BTRC: variants seen among roughly 807,000 people sequenced by gnomAD.
The protein encoded by BTRC is F-box/WD repeat-containing protein 1A.
Under a neutral mutation model 85.5 loss-of-function variants are expected in BTRC, and 42 were observed. The ratio of observed to expected loss-of-function variants is 0.49; its 90% CI spans 0.38 to 0.64. The LOEUF (loss-of-function observed/expected upper bound fraction) is 0.64, where lower values mean the gene tolerates loss of function less well. Among genes scored for constraint, BTRC ranks in the 30% least tolerant of loss-of-function variants. The pLI is 0.00. For missense variants in BTRC, 594 were observed against 743.5 expected (o/e 0.80, Z 2.34); for synonymous variants, 255 against 263.3 (o/e 0.97, Z 0.30).
chr10:101,406,524 CTTTTTTTTTTTTTT>C (rs58902120), intron 1 of BTRC, among the ~76,000 whole-genome samples: 94 of 50,440 alleles, frequency 1.9e-3, no homozygotes, highest in African/African-American at 3.4e-3. Context: ...TCTCAGGTTT[CTTTTTTTTTTTTTT>C]TTTTTTTTTT....
intron 3 of BTRC, among the ~76,000 whole-genome samples, chr10:101,464,541 A>G (rs11191020): frequency 3.1e-5 from 1 of 31,858 alleles, no homozygotes; most frequent in Non-Finnish European, 6.3e-5. Context: ...CTTCCCCCCC[A>G]CCCCCCCCAT....
chr10:101,374,757 A>T (rs896614028), intron 1 of BTRC, among the ~76,000 whole-genome samples: 2 of 149,678 alleles, frequency 1.3e-5, no homozygotes, highest in East Asian at 4.0e-4. Flanking sequence ...CAATGTGCAC[A>T]TGTACCCTAA....
intron 4 of BTRC, among the ~76,000 whole-genome samples, chr10:101,496,783 G>A (rs1463646071): frequency 6.6e-6 from 1 of 151,750 alleles, no homozygotes; most frequent in Non-Finnish European, 1.5e-5. Context: ...TTTTAATTGG[G>A]TTTTATGTAT....
At chr10:101,476,460 C>G (rs1450868549) in intron 3 of BTRC, among the ~76,000 whole-genome samples, 1 of 151,934 alleles carries the variant, frequency 6.6e-6, no homozygotes, top group Non-Finnish European at 1.5e-5. Context: ...TATAGGAAAT[C>G]TTTACTTTTT....
At chr10:101,477,079 C>A (rs1338579544) in intron 3 of BTRC, among the ~76,000 whole-genome samples, 1 of 152,142 alleles carries the variant, frequency 6.6e-6, no homozygotes, top group African/African-American at 2.4e-5. Flanking sequence ...CGGGTTCAAG[C>A]GATTCTTCTG....
intron 1 of BTRC, among the ~76,000 whole-genome samples, chr10:101,421,126 T>C (rs776164610): frequency 1.4e-4 from 21 of 151,930 alleles, no homozygotes; most frequent in Non-Finnish European, 2.6e-4. Flanking sequence ...GTCATTCAAG[T>C]TTGAAATGTT....
At chr10:101,493,870 A>C (rs1157009959) in intron 4 of BTRC, among the ~76,000 whole-genome samples, 2 of 152,216 alleles carry the variant, frequency 1.3e-5, no homozygotes, top group Non-Finnish European at 2.9e-5. Context: ...CTGTGGCTTA[A>C]TTAATGCCAG....
chr10:101,527,784 TCTCTC>T (rs1401133925), intron 6 of BTRC, among the ~76,000 whole-genome samples: 260 of 143,854 alleles, frequency 1.8e-3, no homozygotes, highest in African/African-American at 5.9e-3. Context: ...TCTCTCTCTC[TCTCTC>T]TCACATACAC....
chr10:101,389,293 T>A (rs1414645488), intron 1 of BTRC, among the ~76,000 whole-genome samples: 1 of 152,070 alleles, frequency 6.6e-6, no homozygotes, highest in Admixed American at 6.6e-5. Context: ...AAAATACATC[T>A]CAAATTCGTC....
intron 2 of BTRC, among the ~76,000 whole-genome samples, chr10:101,440,851 C>T (rs10883654): frequency 0.36 from 55,344 of 152,098 alleles, 11,427 homozygotes; most frequent in Middle Eastern, 0.49. Context: ...GCTTTGAGGT[C>T]ATGCTAGAAA....
chr10:101,408,106 G>A (rs1283305149), intron 1 of BTRC, among the ~76,000 whole-genome samples: 2 of 152,082 alleles, frequency 1.3e-5, no homozygotes, highest in Non-Finnish European at 2.9e-5. Context: ...AAATCAATGG[G>A]TATTTTAAAG....
At chr10:101,460,721 AG>A (rs1310835768) in intron 2 of BTRC, among the ~76,000 whole-genome samples, 1 of 152,216 alleles carries the variant, frequency 6.6e-6, no homozygotes, top group Non-Finnish European at 1.5e-5. Flanking sequence ...AAACCAAAAA[AG>A]TGAAATTTAC....
intron 1 of BTRC, among the ~76,000 whole-genome samples, chr10:101,392,581 C>G (rs553559141): frequency 7.9e-5 from 12 of 152,252 alleles, no homozygotes; most frequent in African/African-American, 2.6e-4. Context: ...CTCACTGCAA[C>G]CTCCGCCTCC....
intron 4 of BTRC, among the ~76,000 whole-genome samples, chr10:101,489,952 A>T (rs555300567): frequency 4.6e-4 from 70 of 152,308 alleles, no homozygotes; most frequent in African/African-American, 1.6e-3. Flanking sequence ...CTTAAAGTCT[A>T]CTAATTCCAA....
At chr10:101,522,865 G>T (rs182398207) in intron 5 of BTRC, among the ~76,000 whole-genome samples, 1 of 152,030 alleles carries the variant, frequency 6.6e-6, no homozygotes, top group East Asian at 1.9e-4. Context: ...TCATGTTTAT[G>T]TACTTGGATT....
Position 101,366,984 on chromosome 10 carries a change from TTATATATATTAA to T in BTRC, c.48+12767_48+12778del, listed in dbSNP as rs1470330404. Among the ~76,000 whole-genome samples, 17 of 63,468 alleles carry T rather than the reference TTATATATATTAA, an allele frequency of 2.7e-4. 1 individual carries two copies. The highest frequency in any genetic ancestry group is 1.2e-3 in the Admixed American group (4 of 3,466). The allele number at this position is 63,468 out of a possible 152,430, so 41.6% of individuals were successfully genotyped here. A position where few individuals can be genotyped will look rare whatever the true frequency, so the allele number is the denominator to read the frequency against. On this transcript the variant is annotated intron_variant, in intron 1 of 14. Transcript: ENST00000370187. ...TTTATATAAATATATATTTATATAT[TTATATATATTAA>T]TATATATATTTATATATATATTTAT... is the stretch of plus-strand genomic sequence containing the variant.
intron 12 of BTRC, 126 bp from the exon 13 acceptor site, chr10:101,538,167 G>A (rs2062414526): frequency 1.3e-6 from 1 of 782,956 alleles, no homozygotes; most frequent in Non-Finnish European, 2.2e-6. Context: ...CTCATTTGTA[G>A]GTTAATCACG....
At chr10:101,412,296 A>G (rs919835652) in intron 1 of BTRC, among the ~76,000 whole-genome samples, 1 of 152,188 alleles carries the variant, frequency 6.6e-6, no homozygotes, top group Non-Finnish European at 1.5e-5. Context: ...TCCTCAAGTA[A>G]GTGGTCCCAT....
intron 6 of BTRC, among the ~76,000 whole-genome samples, chr10:101,528,340 G>C (rs575683902): frequency 3.3e-5 from 5 of 152,296 alleles, no homozygotes; most frequent in African/African-American, 1.2e-4. Flanking sequence ...GCTTGGGATT[G>C]GCACTAAATG....
Sources: gnomAD v4.1 joint callset for allele counts (sites outside exome capture counted in the v4.1 genomes callset) on GRCh38, gnomAD v4.1.1 for gene constraint, MANE v1.5 for transcripts, NCBI Gene and HGNC (gene_info 2026-07-23, HGNC 2026-07-21) for gene names.